The following ITGA6 variants were observed in gnomAD, a reference collection of about 807,000 sequenced individuals.
ITGA6 encodes integrin subunit alpha 6, also known as integrin alpha-6.
A neutral mutation model predicts 133.6 loss-of-function variants in ITGA6; 63 were observed. The ratio of observed to expected loss-of-function variants is 0.47; its 90% CI spans 0.38 to 0.58. The LOEUF is 0.58. ITGA6 is among the 20% of genes least tolerant of loss of function. The pLI is 0.00. For synonymous variants in ITGA6, 434 were observed against 482.0 expected (o/e 0.90, Z 1.30); for missense variants, 1,068 against 1,309.4 (o/e 0.82, Z 2.85).
At position 172,505,367 on chromosome 2, in the gene ITGA6, TC is replaced by T. The variant is rs34137567; in HGVS notation, c.*1301del. ...AATGCCTATGGTGGATCCAAACTGA[TC>T]CAGTATAAGACTACTGAATCTGCTA... On this transcript the variant is annotated 3_prime_UTR_variant, in exon 26 of 26. Transcript: ENST00000684293. 2 of 152,308 alleles carry T rather than the reference TC, an allele frequency of 1.3e-5. No individual in the cohort carries two copies. The highest frequency in any genetic ancestry group is 2.9e-5 in the Non-Finnish European group (2 of 68,020). 9.4% of individuals were successfully genotyped at this position (152,308 alleles called of 1,614,324 possible).
intron 23 of ITGA6, among the ~76,000 whole-genome samples, chr2:172,494,679 C>T (rs1687059072): frequency 6.6e-6 from 1 of 152,152 alleles, no homozygotes; most frequent in South Asian, 2.1e-4. Context: ...CTTCCCTGTG[C>T]TAAATGTTAG....
intron 11 of ITGA6, chr2:172,480,699 A>G (rs1310392975): frequency 6.5e-6 from 1 of 154,348 alleles, no homozygotes; most frequent in Non-Finnish European, 1.4e-5. Flanking sequence ...TCATTAGTGC[A>G]TACAGTTGTG....
Position 172,427,718 on chromosome 2 carries a change from C to G in ITGA6, c.-71C>G, listed in dbSNP as rs967549289. 8.5e-6 allele frequency: 12 copies of G among 1,415,638 alleles called. No individual in the cohort carries two copies. Among genetic ancestry groups the G allele is most frequent in the Non-Finnish European group, 1.1e-5 (12 of 1,086,348 alleles). The allele number at this position is 1,415,638 out of a possible 1,614,324, so 87.7% of individuals were successfully genotyped here. On this transcript the variant is annotated 5_prime_UTR_variant, in exon 1 of 26. Coordinates refer to ENST00000684293, the MANE Select transcript of ITGA6 (RefSeq NM_000210.4). ...GGTGGCTGCGGTAGCAGCAGCGCGG[C>G]AGCCTCGGACCCAGCCCGGAGCGCA...
chr2:172,490,594 A>G (rs1429850386), intron 20 of ITGA6, among the ~76,000 whole-genome samples: 3 of 152,332 alleles, frequency 2.0e-5, no homozygotes, highest in South Asian at 4.1e-4. Context: ...TGAATGAGCT[A>G]TATAATGGGT....
intron 3 of ITGA6, among the ~76,000 whole-genome samples, chr2:172,468,602 T>G (rs1685783137): frequency 6.6e-6 from 1 of 152,220 alleles, no homozygotes; most frequent in South Asian, 2.1e-4. Flanking sequence ...GGAAATAATC[T>G]CAGAGCTCAG....
intron 1 of ITGA6, among the ~76,000 whole-genome samples, chr2:172,463,376 T>C (rs1411463462): frequency 6.6e-6 from 1 of 152,172 alleles, no homozygotes; most frequent in African/African-American, 2.4e-5. Flanking sequence ...GGAAATCTCT[T>C]ACCCAGCCTT....
intron 1 of ITGA6, among the ~76,000 whole-genome samples, chr2:172,459,840 C>T (rs1685359869): frequency 1.3e-5 from 2 of 152,190 alleles, no homozygotes; most frequent in Non-Finnish European, 2.9e-5. Flanking sequence ...CCCGGCAGAA[C>T]ATCAGGTCTA....
At chr2:172,499,420 A>C (rs1352504017) in intron 24 of ITGA6, among the ~76,000 whole-genome samples, 1 of 152,144 alleles carries the variant, frequency 6.6e-6, no homozygotes, top group African/African-American at 2.4e-5. Flanking sequence ...GCTGGATTGC[A>C]GTGGTGTGAT....
intron 19 of ITGA6, 79 bp downstream of exon 19, chr2:172,488,307 T>A: frequency 1.1e-6 from 1 of 923,840 alleles, no homozygotes; most frequent in Non-Finnish European, 1.8e-6. Context: ...GTCATTTTAA[T>A]AAATCAGCAA....
At position 172,439,062 on chromosome 2, in the gene ITGA6, G is replaced by A. The variant is rs190893624; in HGVS notation, c.182+11092G>A. ...TGTGGAGAGAGCTCTTCCCATGTGG[G>A]TCTGCAGCTCTAGAATTGGGTAGTG... On this transcript the variant is annotated intron_variant, in intron 1 of 25. Coordinates refer to ENST00000684293, the MANE Select transcript of ITGA6 (RefSeq NM_000210.4). 1.4e-4 allele frequency among the ~76,000 whole-genome samples: 21 copies of A among 151,994 alleles called. 1 individual carries two copies. In the East Asian group the frequency reaches 3.9e-3, roughly 28 times the overall value.
intron 25 of ITGA6, among the ~76,000 whole-genome samples, 172 bp downstream of exon 25, chr2:172,502,073 T>A (rs987649144): frequency 3.9e-4 from 59 of 152,310 alleles, no homozygotes; most frequent in African/African-American, 1.4e-3. Flanking sequence ...AAAGCTCAGT[T>A]TTTGTTTTTT....
At position 172,453,534 on chromosome 2, in the gene ITGA6, C is replaced by A. The variant is rs560342626; in HGVS notation, c.183-12005C>A. ...AAACCCTGTCTCAGAAAGAAAATCA[C>A]AGTATACATGGAATACAAAGGTTTT... On this transcript the variant is annotated intron_variant, in intron 1 of 25. Transcript: ENST00000684293. Among the ~76,000 whole-genome samples, 3 of 152,254 alleles carry A rather than the reference C, an allele frequency of 2.0e-5. No individual in the cohort carries two copies. The South Asian group carries it at 6.2e-4, about 32-fold the overall frequency.
chr2:172,433,610 G>A (rs115363222), intron 1 of ITGA6, among the ~76,000 whole-genome samples: 2 of 152,230 alleles, frequency 1.3e-5, no homozygotes, highest in Non-Finnish European at 2.9e-5. Flanking sequence ...GCTGTAAGAG[G>A]TGCAGTGGTG....
In ITGA6 at chr2:172,506,158, TG is replaced by T. The variant is rs1222792678; in HGVS notation, c.*2091del. 1 of 152,650 alleles carries T rather than the reference TG, an allele frequency of 6.6e-6. No individual in the cohort carries two copies. Among genetic ancestry groups the T allele is most frequent in the Non-Finnish European group, 1.5e-5 (1 of 68,040 alleles). The allele number at this position is 152,650 out of a possible 1,614,324, so 9.5% of individuals were successfully genotyped here. A position where few individuals can be genotyped will look rare whatever the true frequency, so the allele number is the denominator to read the frequency against. On this transcript the variant is annotated 3_prime_UTR_variant, in exon 26 of 26. Transcript: ENST00000684293. ...TGATTAGAAATTACCTGTGGATATTTGTATAAAAGTGTGAAATAAATTTTTT... is the reference window on the plus strand; with the variant it reads ...TGATTAGAAATTACCTGTGGATATTTTATAAAAGTGTGAAATAAATTTTTT...
At chr2:172,467,682 G>T (rs1186170176) in intron 3 of ITGA6, 122 bp downstream of exon 3, 2 of 765,934 alleles carry the variant, frequency 2.6e-6, no homozygotes, top group African/African-American at 1.7e-5. Context: ...TTTAAAGCAG[G>T]AATGGATGTC....
rs1686938011 is a variant in ITGA6 at position 172,491,734 on chromosome 2, C to T, written c.2988+211C>T. ...TCTAGGGTCATCCAGTTCAGCAGTG[C>T]CCATGGTAGGTTTGAGAACTACTGG... On this transcript the variant is annotated intron_variant, in intron 23 of 25. Transcript: ENST00000684293. The surrounding 1 kb of genome is among the most constrained non-coding windows in gnomAD (Gnocchi z 4.4). 6.6e-6 allele frequency among the ~76,000 whole-genome samples: 1 copy of T among 152,088 alleles called. No individual in the cohort carries two copies. The highest frequency in any genetic ancestry group is 2.1e-4 in the South Asian group (1 of 4,824).
intron 5 of ITGA6, among the ~76,000 whole-genome samples, chr2:172,471,389 A>C (rs1478532168): frequency 6.6e-6 from 1 of 152,194 alleles, no homozygotes; most frequent in Non-Finnish European, 1.5e-5. Flanking sequence ...CTCTTGAGCT[A>C]ATGGCAGCCT....
intron 13 of ITGA6, among the ~76,000 whole-genome samples, chr2:172,486,176 CAAAAAAAAA>C (rs67271824): frequency 1.3e-5 from 1 of 77,334 alleles, no homozygotes. Context: ...ACTCTATCTC[CAAAAAAAAA>C]AAAAAAAAAA....
Position 172,484,961 on chromosome 2 carries a change from C to A in ITGA6, c.1710+19C>A. 1 of 1,611,842 alleles carries A rather than the reference C, an allele frequency of 6.2e-7. No homozygotes were observed. The highest frequency in any genetic ancestry group is 1.1e-5 in the South Asian group (1 of 91,004). ...GCTACAGGTGAGGGCTGCAGATGGT[C>A]ACATCTGTTTTATGAAGAGGACAGA... On this transcript the variant is annotated intron_variant, in intron 12 of 25. Transcript: ENST00000684293.
Sources: gnomAD v4.1 joint callset for allele counts (sites outside exome capture counted in the v4.1 genomes callset) on GRCh38, gnomAD v4.1.1 for gene constraint, Gnocchi (gnomAD v3.1) non-coding constraint, MANE v1.5 for transcripts, NCBI Gene and HGNC (gene_info 2026-07-23, HGNC 2026-07-21) for gene names.